MGAT4D: variants seen among roughly 807,000 people sequenced by gnomAD.
The protein encoded by MGAT4D is alpha-1,3-mannosyl-glycoprotein 4-beta-N-acetylglucosaminyltransferase-like protein MGAT4D.
Under a neutral mutation model 15.9 loss-of-function variants are expected in MGAT4D, and 34 were observed. The ratio of observed to expected loss-of-function variants is 2.14; its 90% confidence interval spans 1.62 to 2.84. MGAT4D has a LOEUF of 2.84. Ranked by LOEUF, MGAT4D falls within the 30% of genes most tolerant of loss-of-function variation. MGAT4D has a pLI of 0.00. For synonymous variants in MGAT4D, 112 were observed against 48.2 expected, an observed-to-expected ratio of 2.33 and a Z score of -5.49; for missense variants, 327 against 140.2, an observed-to-expected ratio of 2.33 and a Z score of -6.73.
chr4:140,462,007 A>G lies in MGAT4D; in HGVS notation c.687-3T>C, dbSNP rs1281652145. ...CCAATACCTGTTTGATTCGCCAACTAAAGGTAATCAATAAGATCTGTTAAT... is the reference window on the plus strand; with the variant it reads ...CCAATACCTGTTTGATTCGCCAACTGAAGGTAATCAATAAGATCTGTTAAT... On this transcript the variant is annotated splice_polypyrimidine_tract_variant and splice_region_variant and intron_variant, in intron 6 of 10. Coordinates refer to ENST00000511113, the MANE Select transcript of MGAT4D (RefSeq NM_001277353.2). 5.7e-6 allele frequency: 4 copies of G among 700,732 alleles called. No individual in the cohort carries two copies. The highest frequency in any genetic ancestry group is 1.0e-5 in the Non-Finnish European group (4 of 383,880). The allele number at this position is 700,732 out of a possible 1,614,324, so 43.4% of individuals were successfully genotyped here. A position where few individuals can be genotyped will look rare whatever the true frequency, so the allele number is the denominator to read the frequency against.
chr4:140,455,259 C>T lies in MGAT4D; in HGVS notation c.1008+1330G>A, dbSNP rs559396595. ...CAGTGCTTTAGCTGCATTCCAGAAG[C>T]GTTGTAACACTGTATTTTCATTCAT... On this transcript the variant is annotated intron_variant, in intron 9 of 10. Coordinates refer to ENST00000511113, the MANE Select transcript of MGAT4D (RefSeq NM_001277353.2). 1.1e-4 allele frequency among the ~76,000 whole-genome samples: 16 copies of T among 152,186 alleles called. 1 individual carries two copies. The South Asian group carries it at 2.9e-3, about 28-fold the overall frequency.
intron 5 of MGAT4D, among the ~76,000 whole-genome samples, chr4:140,465,987 T>G (rs1233422081): frequency 1.3e-5 from 2 of 152,212 alleles, no homozygotes; most frequent in Non-Finnish European, 2.9e-5. Context: ...TAGTGACTAA[T>G]TGCATCACTT....
chr4:140,471,709 G>T (rs1203353688), intron 5 of MGAT4D, 66 bp downstream of exon 5: 4 of 345,168 alleles, frequency 1.2e-5, no homozygotes, highest in Non-Finnish European at 1.6e-5. Flanking sequence ...TATACAATTG[G>T]ACAGAAAAAA....
At chr4:140,490,195 CT>C (rs1560802434) in intron 1 of MGAT4D, among the ~76,000 whole-genome samples, 1 of 152,142 alleles carries the variant, frequency 6.6e-6, no homozygotes, top group Non-Finnish European at 1.5e-5. Context: ...TTATGTTGCA[CT>C]TTGTTTTAGA....
chr4:140,474,746 C>A (rs1732199912), intron 4 of MGAT4D, 67 bp downstream of exon 4: 3 of 493,090 alleles, frequency 6.1e-6, no homozygotes, highest in South Asian at 3.7e-5. Context: ...TGATTATTAC[C>A]ATTGAGGAAG....
intron 4 of MGAT4D, among the ~76,000 whole-genome samples, chr4:140,474,509 T>A (rs1306262026): frequency 1.3e-5 from 2 of 152,174 alleles, no homozygotes; most frequent in Non-Finnish European, 2.9e-5. Flanking sequence ...AAATATAACT[T>A]CTGAGCCATA....
At chr4:140,470,921 A>G (rs1164085743) in intron 5 of MGAT4D, among the ~76,000 whole-genome samples, 5 of 143,462 alleles carry the variant, frequency 3.5e-5, no homozygotes, top group African/African-American at 7.8e-5. Context: ...GTCTCCCTCT[A>G]TCACTCAGGT....
intron 9 of MGAT4D, among the ~76,000 whole-genome samples, chr4:140,455,625 C>T (rs1198318025): frequency 2.0e-5 from 3 of 152,088 alleles, no homozygotes; most frequent in Admixed American, 1.3e-4. Flanking sequence ...TGGGTTTCTG[C>T]CTATCAGTTC....
chr4:140,451,505 T>C lies in MGAT4D; in HGVS notation c.1021A>G (p.Lys341Glu). Residue 341 changes from lysine (K) to glutamate (E), a missense_variant, in exon 10 of 11, where the codon AAA (lysine) becomes GAA (glutamate). Coordinates refer to ENST00000511113, the MANE Select transcript of MGAT4D (RefSeq NM_001277353.2). ...TGAATACGTATTTGCTTCTTTCGTT[T>C]CATACAGTTTCTCTGGGGAAAAAGA... ...DAGEDLRNCM[K>E]RKKQIRIQYK... 1.8e-6 allele frequency: 1 copy of C among 564,928 alleles called. No homozygotes were observed. Among genetic ancestry groups the C allele is most frequent in the Non-Finnish European group, 3.2e-6 (1 of 308,468 alleles). The allele number at this position is 564,928 out of a possible 1,614,324, so 35.0% of individuals were successfully genotyped here.
chr4:140,449,245 T>C (rs1730317492), intron 10 of MGAT4D, among the ~76,000 whole-genome samples: 1 of 152,176 alleles, frequency 6.6e-6, no homozygotes, highest in South Asian at 2.1e-4. Context: ...AATTTGTATG[T>C]TTATCATAGA....
intron 1 of MGAT4D, among the ~76,000 whole-genome samples, chr4:140,494,944 G>A (rs1733741478): frequency 1.3e-5 from 2 of 152,176 alleles, no homozygotes; most frequent in Non-Finnish European, 1.5e-5. Flanking sequence ...GGAGCATCCC[G>A]CAATTCTCTT....
intron 2 of MGAT4D, among the ~76,000 whole-genome samples, chr4:140,481,932 C>T (rs987823719): frequency 2.6e-5 from 4 of 152,146 alleles, no homozygotes; most frequent in Admixed American, 2.6e-4. Context: ...AGGAAGGTTG[C>T]CTGACTAATG....
intron 1 of MGAT4D, among the ~76,000 whole-genome samples, chr4:140,494,016 G>C (rs1200437229): frequency 6.6e-6 from 1 of 152,188 alleles, no homozygotes; most frequent in African/African-American, 2.4e-5. Context: ...AAGGGAGGTA[G>C]CTAGCAGATG....
intron 4 of MGAT4D, among the ~76,000 whole-genome samples, chr4:140,473,135 AT>A (rs1221364626): frequency 6.6e-6 from 1 of 151,796 alleles, no homozygotes; most frequent in African/African-American, 2.4e-5. Flanking sequence ...GTTTCTATAT[AT>A]TTTCCCCTCC....
chr4:140,444,835 G>A (rs548737307), intron 10 of MGAT4D, among the ~76,000 whole-genome samples: 4 of 150,996 alleles, frequency 2.6e-5, no homozygotes, highest in African/African-American at 9.7e-5. Flanking sequence ...TGCCAGCACT[G>A]TATAAGTGTT....
chr4:140,452,156 A>G (rs926984602), intron 9 of MGAT4D, among the ~76,000 whole-genome samples: 1 of 152,084 alleles, frequency 6.6e-6, no homozygotes, highest in Non-Finnish European at 1.5e-5. Flanking sequence ...CAATATAGTG[A>G]GACTCCATTT....
chr4:140,485,894 T>C (rs1733095545), intron 1 of MGAT4D, among the ~76,000 whole-genome samples: 1 of 148,506 alleles, frequency 6.7e-6, no homozygotes, highest in East Asian at 2.0e-4. Context: ...TTTTTTCACT[T>C]ATCTGTTTTT....
intron 1 of MGAT4D, among the ~76,000 whole-genome samples, chr4:140,496,467 G>C (rs973028528): frequency 6.6e-6 from 1 of 152,180 alleles, no homozygotes; most frequent in South Asian, 2.1e-4. Context: ...CAAAATGATT[G>C]TAAGGATCTC....
At chr4:140,464,171 A>G (rs1302400969) in intron 6 of MGAT4D, among the ~76,000 whole-genome samples, 7 of 152,210 alleles carry the variant, frequency 4.6e-5, no homozygotes, top group Non-Finnish European at 1.0e-4. Flanking sequence ...CTGACACACC[A>G]TTTATAATTT....
Sources: allele counts gnomAD v4.1 joint callset (sites outside exome capture counted in the v4.1 genomes callset), GRCh38; gene constraint gnomAD v4.1.1; transcripts MANE v1.5; gene names NCBI Gene and HGNC (gene_info 2026-07-23, HGNC 2026-07-21).